Variants in BTBD8 observed in about 807,000 individuals in gnomAD.
BTBD8 encodes the protein BTB/POZ domain-containing protein 8.
A neutral mutation model predicts 162.9 loss-of-function variants in BTBD8; 110 were observed. That is an observed-to-expected ratio of 0.68 (90% CI 0.58 to 0.79). BTBD8 has a LOEUF of 0.79. Among genes scored for constraint, BTBD8 ranks in the 30% least tolerant of loss-of-function variants. The pLI is 0.00. For missense variants in BTBD8, 1,905 were observed against 2,085.4 expected (o/e 0.91, Z 1.68); for synonymous variants, 667 against 716.1 (o/e 0.93, Z 1.10).
chr1:92,177,448 C>T lies in BTBD8; in HGVS notation c.2255C>T (p.Thr752Ile). Residue 752 changes from threonine (T) to isoleucine (I), a missense_variant, in exon 14 of 18, where the codon ACA (threonine) becomes ATA (isoleucine). Around this residue, in one of 3 missense-constraint regions of BTBD8, gnomAD observed 1,374 missense variants for 1,442.7 expected, o/e 0.95. Coordinates refer to ENST00000636805, the MANE Select transcript of BTBD8 (RefSeq NM_001376131.1). Reference protein sequence around the residue: ...CLDEPKENGSTEEEKPSGHKL... With the variant: ...CLDEPKENGSIEEEKPSGHKL... Reference sequence around the variant, plus strand: ...GATGAACCGAAAGAAAATGGATCAACAGAAGAAGAAAAGCCTTCTGGACAT... The same window carrying T: ...GATGAACCGAAAGAAAATGGATCAATAGAAGAAGAAAAGCCTTCTGGACAT... 6.4e-7 allele frequency: 1 copy of T among 1,551,644 alleles called. No homozygotes were observed. The highest frequency in any genetic ancestry group is 2.0e-5 in the Admixed American group (1 of 51,000).
chr1:92,145,504 G>T (rs1649889717), intron 7 of BTBD8, among the ~76,000 whole-genome samples: 1 of 152,130 alleles, frequency 6.6e-6, no homozygotes, highest in South Asian at 2.1e-4. Context: ...AGTGTATAAA[G>T]AGAAATTAAA....
intron 4 of BTBD8, among the ~76,000 whole-genome samples, chr1:92,123,509 T>C (rs1212945805): frequency 6.6e-6 from 1 of 152,208 alleles, no homozygotes; most frequent in East Asian, 1.9e-4. Context: ...AAATTTATCC[T>C]AGCAGTGTTT....
At position 92,180,927 on chromosome 1, in the gene BTBD8, T is replaced by C. The variant is rs1183923135; in HGVS notation, c.3244T>C (p.Ser1082Pro). 6.4e-7 allele frequency: 1 copy of C among 1,551,606 alleles called. No homozygotes were observed. ...TTCTGTTGGGAGTGATAATGTAAAT[T>C]CAAAATTTTATAGCACCACAGCCCT... ...CHSVGSDNVNSKFYSTTALKY... is the reference protein window; with the variant it reads ...CHSVGSDNVNPKFYSTTALKY... Residue 1082 changes from serine (S) to proline (P), a missense_variant, in exon 17 of 18, where the codon TCA (serine) becomes CCA (proline). Transcript: ENST00000636805.
At chr1:92,183,769 TTG>T in intron 17 of BTBD8, 93 bp from the exon 18 acceptor site, 4 of 573,824 alleles carry the variant, frequency 7.0e-6, no homozygotes, top group Admixed American at 3.8e-5. Context: ...TTTTTTTTTT[TTG>T]ACTATCACTG....
chr1:92,158,061 C>A (rs1378584176), intron 9 of BTBD8, among the ~76,000 whole-genome samples: 1 of 152,138 alleles, frequency 6.6e-6, no homozygotes, highest in Non-Finnish European at 1.5e-5. Context: ...GCCACTCTTA[C>A]TCTTTTTATT....
intron 1 of BTBD8, among the ~76,000 whole-genome samples, chr1:92,081,259 C>T (rs1180341532): frequency 6.6e-6 from 1 of 152,232 alleles, no homozygotes; most frequent in Non-Finnish European, 1.5e-5. Context: ...CTCCCAGCAA[C>T]TCTCAGCTCC....
Position 92,167,814 on chromosome 1 carries a change from A to T in BTBD8, c.1306-34A>T. On this transcript the variant is annotated intron_variant, in intron 10 of 17. Transcript: ENST00000636805. The stretch of plus-strand genomic sequence containing the variant: ...CACATTTCTTGTGCATTTTATATGT[A>T]TTCCTCTTAAATATTAATTTCTGTG... The T allele has an allele frequency of 2.0e-6, 3 of 1,516,050 alleles. No homozygotes were observed. The East Asian group carries it at 7.4e-5, about 37-fold the overall frequency. 93.9% of individuals were successfully genotyped at this position (1,516,050 alleles called of 1,614,324 possible). A position where few individuals can be genotyped will look rare whatever the true frequency, so the allele number is the denominator to read the frequency against.
Position 92,108,128 on chromosome 1 carries a change from C to T in BTBD8, c.662+127C>T, listed in dbSNP as rs960088726. 84 of 852,582 alleles carry T rather than the reference C, an allele frequency of 9.9e-5. No homozygotes were observed. In the African/African-American group the frequency reaches 1.3e-3, roughly 13 times the overall value. The allele number at this position is 852,582 out of a possible 1,614,324, so 52.8% of individuals were successfully genotyped here. On this transcript the variant is annotated intron_variant, in intron 4 of 17. Coordinates refer to ENST00000636805, the MANE Select transcript of BTBD8 (RefSeq NM_001376131.1). ...ACAGGCCACAGGGGTTCCATGAAGG[C>T]CAAAGGGGTTCCACTGTGATTCCTC...
At chr1:92,106,316 A>G (rs1343091995) in intron 3 of BTBD8, among the ~76,000 whole-genome samples, 1 of 152,138 alleles carries the variant, frequency 6.6e-6, no homozygotes, top group African/African-American at 2.4e-5. Flanking sequence ...AGGATGTGGT[A>G]TACCAGGGAT....
At chr1:92,103,914 A>G (rs1454453421) in intron 3 of BTBD8, among the ~76,000 whole-genome samples, 1 of 152,220 alleles carries the variant, frequency 6.6e-6, no homozygotes, top group African/African-American at 2.4e-5. Context: ...AGTGTCTCCC[A>G]ATAGTTGGTT....
intron 2 of BTBD8, among the ~76,000 whole-genome samples, chr1:92,100,603 T>C (rs1648564678): frequency 6.6e-6 from 1 of 150,932 alleles, no homozygotes. Flanking sequence ...TTTTTGGCAT[T>C]ATTATTATTA....
At chr1:92,159,865 T>G (rs1431514864) in intron 9 of BTBD8, among the ~76,000 whole-genome samples, 2 of 152,216 alleles carry the variant, frequency 1.3e-5, no homozygotes, top group African/African-American at 4.8e-5. Context: ...TATGTCTCAC[T>G]GTGGATTTCT....
intron 13 of BTBD8, among the ~76,000 whole-genome samples, chr1:92,172,150 A>G (rs910956117): frequency 1.3e-5 from 2 of 152,222 alleles, no homozygotes; most frequent in African/African-American, 4.8e-5. Flanking sequence ...GAAAAAAGCA[A>G]TTAGTACTAA....
At chr1:92,083,115 G>A (rs565979006) in intron 1 of BTBD8, among the ~76,000 whole-genome samples, 54 of 150,062 alleles carry the variant, frequency 3.6e-4, no homozygotes, top group Non-Finnish European at 6.3e-4. Context: ...CAGTCTGGGC[G>A]TCAGAACAAG....
intron 5 of BTBD8, among the ~76,000 whole-genome samples, chr1:92,130,020 T>C (rs1205791920): frequency 6.6e-6 from 1 of 152,226 alleles, no homozygotes; most frequent in Non-Finnish European, 1.5e-5. Context: ...AACAGGTATT[T>C]ATTTTCTCAC....
At chr1:92,118,954 T>A (rs549846016) in intron 4 of BTBD8, among the ~76,000 whole-genome samples, 1 of 151,608 alleles carries the variant, frequency 6.6e-6, no homozygotes, top group South Asian at 2.1e-4. Context: ...CTGAAAGATA[T>A]ATCTGGTATA....
rs577440097 is a variant in BTBD8 at position 92,176,908 on chromosome 1, A to C, written c.1715A>C (p.Tyr572Ser). ...AATAACAAGAAAGAGTGTTGGAGTT[A>C]TCTCTCTACTAATAAAAAGATGAAA... The part of the protein sequence containing the change: ...RGNNKKECWS[Y>S]LSTNKKMKSD... The change falls in exon 14 of 18, where the codon TAT (tyrosine) becomes TCT (serine). Residue 572 changes from tyrosine (Y) to serine (S), a missense_variant. Tyr to Ser is a moderately radical substitution (Grantham distance 144). Around this residue, in one of 3 missense-constraint regions of BTBD8, gnomAD observed 1,374 missense variants for 1,442.7 expected, o/e 0.95. Coordinates refer to ENST00000636805, the MANE Select transcript of BTBD8 (RefSeq NM_001376131.1). The C allele has an allele frequency of 2.0e-6, 3 of 1,533,776 alleles. No individual in the cohort carries two copies. The highest frequency in any genetic ancestry group is 1.8e-6 in the Non-Finnish European group (2 of 1,140,662).
intron 1 of BTBD8, among the ~76,000 whole-genome samples, chr1:92,086,708 G>A (rs933429724): frequency 6.6e-6 from 1 of 152,056 alleles, no homozygotes; most frequent in African/African-American, 2.4e-5. Context: ...AAGCCAAGAG[G>A]GCTCCACCCT....
chr1:92,108,413 G>A (rs1648799621), intron 4 of BTBD8, among the ~76,000 whole-genome samples: 1 of 152,210 alleles, frequency 6.6e-6, no homozygotes, highest in Non-Finnish European at 1.5e-5. Flanking sequence ...ATAGTATTGA[G>A]AAGTATTATT....
Sources: allele counts gnomAD v4.1 joint callset (sites outside exome capture counted in the v4.1 genomes callset), GRCh38; gene constraint gnomAD v4.1.1; regional missense constraint gnomAD v4.1.1; transcripts MANE v1.5; gene names NCBI Gene and HGNC (gene_info 2026-07-23, HGNC 2026-07-21).